TPR: variants seen among roughly 807,000 people sequenced by gnomAD.
TPR encodes nucleoprotein TPR.
TPR carries 51 observed loss-of-function variants against 316.1 expected under a neutral mutation model. The observed-to-expected ratio is 0.16, with a 90% CI of 0.13 to 0.20. The LOEUF (loss-of-function observed/expected upper bound fraction) is 0.20. Ranked by LOEUF, TPR falls within the 10% of genes least tolerant of loss-of-function variation. TPR has a pLI of 1.00. For synonymous variants in TPR, 981 were observed against 914.7 expected (o/e 1.07, Z -1.31); for missense variants, 2,272 against 2,754.8 (o/e 0.82, Z 3.92).
chr1:186,332,456 G>T, intron 37 of TPR, 113 bp from the exon 38 acceptor site: 2 of 1,103,468 alleles, frequency 1.8e-6, no homozygotes, highest in Non-Finnish European at 2.6e-6. Context: ...ACATTTAATT[G>T]TACAGATTAC....
chr1:186,332,111 G>A, intron 38 of TPR, 84 bp downstream of exon 38: 1 of 1,446,638 alleles, frequency 6.9e-7, no homozygotes. Context: ...GCCCCAAAAG[G>A]TTAATTTTCT....
At chr1:186,320,481 G>T in intron 45 of TPR, 63 bp from the exon 46 acceptor site, 1 of 1,366,290 alleles carries the variant, frequency 7.3e-7, no homozygotes, top group Admixed American at 2.4e-5. Flanking sequence ...CCACAATGGT[G>T]AAAAAAATAT....
intron 21 of TPR, among the ~76,000 whole-genome samples, chr1:186,348,623 G>C (rs1393173558): frequency 2.0e-5 from 3 of 151,992 alleles, no homozygotes; most frequent in Admixed American, 6.6e-5. Flanking sequence ...GCTGGTCTGA[G>C]ACTCAGGCCA....
In TPR at chr1:186,312,596, C is replaced by A; in HGVS notation, c.*1375G>T. The A allele has an allele frequency of 1.3e-6, 1 of 788,838 alleles. No homozygotes were observed. The highest frequency in any genetic ancestry group is 2.0e-6 in the Non-Finnish European group (1 of 496,930). 48.9% of individuals were successfully genotyped at this position (788,838 alleles called of 1,614,324 possible). A position where few individuals can be genotyped will look rare whatever the true frequency, so the allele number is the denominator to read the frequency against. The stretch of plus-strand genomic sequence containing the variant: ...GTTTGTTCAGGTTTGTTAGTTATAA[C>A]CAATACTATTTATCAAGTACTTCTT... On this transcript the variant is annotated 3_prime_UTR_variant, in exon 51 of 51. Transcript: ENST00000367478.
rs781080602 is a variant in TPR at position 186,341,050 on chromosome 1, T to C, written c.3998A>G (p.Lys1333Arg). 6 of 1,613,900 alleles carry C rather than the reference T, an allele frequency of 3.7e-6. No individual in the cohort carries two copies. The Admixed American group carries it at 8.3e-5, about 22-fold the overall frequency. ...AEKKLLEEDV[K>R]RWKARNQHLV... The stretch of plus-strand genomic sequence containing the variant: ...TACCTGGTTACGTGCTTTCCAACGT[T>C]TGACATCCTCTTCTAAGAGCTTCTT... The change falls in exon 29 of 51, where the codon AAA becomes AGA. Residue 1333 changes from lysine to arginine, a missense_variant. Around this residue, in one of 10 missense-constraint regions of TPR, gnomAD observed 96 missense variants for 134.6 expected, o/e 0.71. Coordinates refer to ENST00000367478, the MANE Select transcript of TPR (RefSeq NM_003292.3).
At chr1:186,330,737 A>G (rs1039940187) in intron 39 of TPR, among the ~76,000 whole-genome samples, 4 of 152,094 alleles carry the variant, frequency 2.6e-5, no homozygotes, top group African/African-American at 9.7e-5. Context: ...GCAAAATGAT[A>G]TCACTAATAA....
intron 41 of TPR, 56 bp from the exon 42 acceptor site, chr1:186,325,910 C>A (rs1485800887): frequency 2.5e-6 from 4 of 1,591,202 alleles, no homozygotes; most frequent in South Asian, 2.3e-5. Context: ...GTTAAAAAAA[C>A]CGGACAGAAT....
In TPR at chr1:186,335,326, T is replaced by C. The variant is rs766848676; in HGVS notation, c.4911+12A>G. ...AAAACAATTTGTTACTTAAGCAGAA[T>C]TAGCTAATCACCTTATTAGAAGGTT... On this transcript the variant is annotated intron_variant, in intron 34 of 50. Coordinates refer to ENST00000367478, the MANE Select transcript of TPR (RefSeq NM_003292.3). The C allele has an allele frequency of 1.2e-6, 2 of 1,611,352 alleles. No homozygotes were observed. The highest frequency in any genetic ancestry group is 8.5e-7 in the Non-Finnish European group (1 of 1,179,012).
rs188112370 is a variant in TPR, at chr1:186,337,229, G to T, written c.4363-73C>A. 2.1e-5 allele frequency: 32 copies of T among 1,493,058 alleles called. No individual in the cohort carries two copies. The Middle Eastern group carries it at 5.3e-4, about 25-fold the overall frequency. The allele number at this position is 1,493,058 out of a possible 1,614,324, so 92.5% of individuals were successfully genotyped here. Reference sequence around the variant, plus strand: ...ATTCCATTTCTGCAAGTTTGTCTAAGAAAATAATCACAGCTTTGCAAAGAA... The same window carrying T: ...ATTCCATTTCTGCAAGTTTGTCTAATAAAATAATCACAGCTTTGCAAAGAA... On this transcript the variant is annotated intron_variant, in intron 31 of 50. Coordinates refer to ENST00000367478, the MANE Select transcript of TPR (RefSeq NM_003292.3).
intron 5 of TPR, 81 bp from the exon 6 acceptor site, chr1:186,363,082 C>A: frequency 7.1e-7 from 1 of 1,402,496 alleles, no homozygotes; most frequent in South Asian, 1.3e-5. Context: ...AGCTAAGGGA[C>A]ACAAGCAGAA....
At chr1:186,349,991 T>C (rs1012740805) in intron 21 of TPR, among the ~76,000 whole-genome samples, 1 of 152,216 alleles carries the variant, frequency 6.6e-6, no homozygotes, top group Non-Finnish European at 1.5e-5. Context: ...GCTGGGTACA[T>C]ACCTTGATCA....
In TPR at chr1:186,356,293, T is replaced by C. The variant is rs754953171; in HGVS notation, c.1881A>G (p.Pro627=). The part of the protein sequence containing the change: ...LLSQTTGVAI[P]LHASSLDDVS... Reference sequence around the variant, plus strand: ...AACTTTATAAAAACCTACCATGTAATGGAATGGCAACTCCTGTTGTTTGTG... The same window carrying C: ...AACTTTATAAAAACCTACCATGTAACGGAATGGCAACTCCTGTTGTTTGTG... The change falls in exon 15 of 51, where the codon CCA becomes CCG. Residue 627 remains proline, a synonymous_variant. Transcript: ENST00000367478. 6 of 1,596,736 alleles carry C rather than the reference T, an allele frequency of 3.8e-6. No homozygotes were observed. In the East Asian group the frequency reaches 1.4e-4, roughly 36 times the overall value.
intron 38 of TPR, 116 bp from the exon 39 acceptor site, chr1:186,331,697 T>A: frequency 1.8e-6 from 1 of 550,968 alleles, no homozygotes; most frequent in Non-Finnish European, 2.8e-6. Flanking sequence ...TATGAAACTA[T>A]AGAAAAATAA....
Position 186,314,784 on chromosome 1 carries a change from G to A in TPR, c.6941-60C>T, listed in dbSNP as rs1394789897. 3.8e-6 allele frequency: 4 copies of A among 1,050,678 alleles called. No individual in the cohort carries two copies. In the Admixed American group the frequency reaches 8.4e-5, roughly 22 times the overall value. 65.1% of individuals were successfully genotyped at this position (1,050,678 alleles called of 1,614,324 possible). On this transcript the variant is annotated intron_variant, in intron 49 of 50. Coordinates refer to ENST00000367478, the MANE Select transcript of TPR (RefSeq NM_003292.3). ...GAAAAAATGAGAAAGCATTTATAAT[G>A]ATACAAACTAATTACTAAATGAATG... is the stretch of plus-strand genomic sequence containing the variant.
intron 30 of TPR, among the ~76,000 whole-genome samples, chr1:186,339,160 T>C (rs1658427423): frequency 6.6e-6 from 1 of 152,166 alleles, no homozygotes; most frequent in Non-Finnish European, 1.5e-5. Flanking sequence ...CCAGGCATGA[T>C]GGCTCATGCC....
In TPR at chr1:186,359,983, T is replaced by C; in HGVS notation, c.1205A>G (p.Tyr402Cys). 1 of 1,608,166 alleles carries C rather than the reference T, an allele frequency of 6.2e-7. No individual in the cohort carries two copies. The change falls in exon 12 of 51, where the codon TAT becomes TGT. Residue 402 changes from tyrosine to cysteine, a missense_variant. This residue lies in a region of TPR where 549 missense variants were observed against 598.6 expected (regional missense o/e 0.92). Coordinates refer to ENST00000367478, the MANE Select transcript of TPR (RefSeq NM_003292.3). ...AAGCAACTGATCCTGAGTTTCCACA[T>C]AAGCATTATAGAGCTGAAAGTAGAC... ...GMKLTELYNAYVETQDQLLLE... is the reference protein window; with the variant it reads ...GMKLTELYNACVETQDQLLLE...
chr1:186,344,330 C>T lies in TPR; in HGVS notation c.3417+45G>A, dbSNP rs769934592. The T allele has an allele frequency of 1.8e-5, 29 of 1,583,612 alleles. No individual in the cohort carries two copies. The East Asian group carries it at 5.8e-4, about 32-fold the overall frequency. ...CATTATAAAATAAAGAAAAAAACAA[C>T]TCTTTCAATTCAACAGAACATTCTA... On this transcript the variant is annotated intron_variant, in intron 25 of 50. Transcript: ENST00000367478.
intron 11 of TPR, 39 bp from the exon 12 acceptor site, chr1:186,360,035 A>T (rs1157867778): frequency 6.3e-7 from 1 of 1,575,434 alleles, no homozygotes; most frequent in Non-Finnish European, 8.6e-7. Flanking sequence ...TCTAACCATA[A>T]CAACGCAAAT....
rs1658390417 is a variant in TPR, at chr1:186,337,966, AC to A, written c.4362+66del. 2.3e-6 allele frequency: 3 copies of A among 1,314,930 alleles called. No homozygotes were observed. In the Middle Eastern group the frequency reaches 7.8e-4, roughly 341 times the overall value. The allele number at this position is 1,314,930 out of a possible 1,614,324, so 81.5% of individuals were successfully genotyped here. On this transcript the variant is annotated intron_variant, in intron 31 of 50. Transcript: ENST00000367478. The stretch of plus-strand genomic sequence containing the variant: ...CTAAAAGCTAGTAATATTCAAAATT[AC>A]AAAGAAATAAGATTTCATAACATTC...
Sources: allele counts gnomAD v4.1 joint callset (sites outside exome capture counted in the v4.1 genomes callset), GRCh38; gene constraint gnomAD v4.1.1; regional missense constraint gnomAD v4.1.1; transcripts MANE v1.5; gene names NCBI Gene and HGNC (gene_info 2026-07-23, HGNC 2026-07-21).